The following UNC13C variants were observed in gnomAD, a reference collection of about 807,000 sequenced individuals.
The protein encoded by UNC13C is unc-13 homolog C.
A neutral mutation model predicts 245.4 loss-of-function variants in UNC13C; 174 were observed. That is an observed-to-expected ratio of 0.71 (90% CI 0.63 to 0.80). UNC13C has a LOEUF of 0.80. Ranked by LOEUF, UNC13C falls within the 30% of genes least tolerant of loss-of-function variation. The pLI is 0.00. For missense variants in UNC13C, 2,829 were observed against 2,602.9 expected, an observed-to-expected ratio of 1.09 and a Z score of -1.89; for synonymous variants, 992 against 895.1, an observed-to-expected ratio of 1.11 and a Z score of -1.93.
At chr15:54,601,076 C>T (rs1899389442) in intron 30 of UNC13C, among the ~76,000 whole-genome samples, 1 of 152,328 alleles carries the variant, frequency 6.6e-6, no homozygotes, top group Non-Finnish European at 1.5e-5. Context: ...GTGCCACATG[C>T]AGCCTGTGGC....
At chr15:54,556,407 C>T (rs1897090990) in intron 29 of UNC13C, among the ~76,000 whole-genome samples, 1 of 152,034 alleles carries the variant, frequency 6.6e-6, no homozygotes, top group Admixed American at 6.6e-5. Flanking sequence ...AAAACTGTCA[C>T]CTCGTGGCTT....
At chr15:53,843,032 A>G in the UNC13C span, among the ~76,000 whole-genome samples, 2 of 152,104 alleles carry the variant, frequency 1.3e-5, no homozygotes, top group Admixed American at 6.5e-5. Context: ...AATGGTCAAA[A>G]GCCAGCCATC....
chr15:54,282,388 G>A (rs955862135), intron 10 of UNC13C, among the ~76,000 whole-genome samples: 6 of 152,088 alleles, frequency 3.9e-5, no homozygotes, highest in African/African-American at 1.2e-4. Context: ...TTGTCCCACT[G>A]CGCTCAACCT....
At chr15:54,074,181 T>C (rs939770496) in intron 2 of UNC13C, among the ~76,000 whole-genome samples, 2 of 152,176 alleles carry the variant, frequency 1.3e-5, no homozygotes, top group African/African-American at 4.8e-5. Context: ...AAAGATCCGA[T>C]GGTTGTAGTT....
At chr15:54,420,485 C>T (rs2040617353) in intron 19 of UNC13C, among the ~76,000 whole-genome samples, 1 of 151,464 alleles carries the variant, frequency 6.6e-6, no homozygotes, top group South Asian at 2.1e-4. Context: ...TCGCACAGTT[C>T]AGCTTGTTCA....
chr15:54,349,792 G>A (rs536480072), intron 17 of UNC13C, among the ~76,000 whole-genome samples: 3 of 152,124 alleles, frequency 2.0e-5, no homozygotes, highest in Non-Finnish European at 4.4e-5. Flanking sequence ...TTGTGAGACT[G>A]AGGAGATGGA....
intron 2 of UNC13C, among the ~76,000 whole-genome samples, chr15:54,078,926 G>T (rs1324249297): frequency 6.6e-6 from 1 of 152,066 alleles, no homozygotes; most frequent in Non-Finnish European, 1.5e-5. Flanking sequence ...TTTTATTCTA[G>T]AATTTTTATA....
At chr15:54,027,437 C>T (rs956374131) in intron 2 of UNC13C, among the ~76,000 whole-genome samples, 62 of 152,240 alleles carry the variant, frequency 4.1e-4, no homozygotes, top group African/African-American at 1.4e-3. Flanking sequence ...GGCAGGATCT[C>T]GGCTCACTGC....
chr15:54,597,416 C>A (rs909549369), intron 30 of UNC13C, among the ~76,000 whole-genome samples: 1 of 152,142 alleles, frequency 6.6e-6, no homozygotes, highest in Non-Finnish European at 1.5e-5. Context: ...TTCCACCGAA[C>A]CTACAGGCCA....
intron 17 of UNC13C, among the ~76,000 whole-genome samples, chr15:54,355,171 T>C (rs1567210332): frequency 6.6e-6 from 1 of 151,944 alleles, no homozygotes; most frequent in Non-Finnish European, 1.5e-5. Flanking sequence ...GAAATAAATG[T>C]ATTTTCTTTA....
chr15:54,514,481 T>A (rs139471489), intron 24 of UNC13C, among the ~76,000 whole-genome samples: 1,718 of 152,376 alleles, frequency 0.011, 15 homozygotes, highest in Non-Finnish European at 0.015. Flanking sequence ...TGCTGATATA[T>A]GTACTTCTTG....
At chr15:53,874,076 G>A in the UNC13C span, among the ~76,000 whole-genome samples, 1 of 151,754 alleles carries the variant, frequency 6.6e-6, no homozygotes, top group Non-Finnish European at 1.5e-5. Flanking sequence ...TCTAGGCTCC[G>A]TCAATTTTCC....
At chr15:54,181,015 C>T (rs980750173) in intron 4 of UNC13C, among the ~76,000 whole-genome samples, 1 of 151,802 alleles carries the variant, frequency 6.6e-6, no homozygotes, top group African/African-American at 2.4e-5. Context: ...TACTTGCCAA[C>T]TTTTGTTTAT....
chr15:54,274,674 T>TTTTC (rs1200817829), intron 10 of UNC13C, among the ~76,000 whole-genome samples: 4 of 139,770 alleles, frequency 2.9e-5, no homozygotes, highest in African/African-American at 1.1e-4. Flanking sequence ...AGACTTTTTT[T>TTTTC]TTTTTTTTTT....
At chr15:54,372,857 C>T (rs1053810590) in intron 17 of UNC13C, among the ~76,000 whole-genome samples, 9 of 152,142 alleles carry the variant, frequency 5.9e-5, no homozygotes, top group African/African-American at 2.2e-4. Context: ...TAGCTGTAGC[C>T]ACTAGCCATA....
At chr15:54,144,603 C>T (rs1159884366) in intron 4 of UNC13C, among the ~76,000 whole-genome samples, 3 of 152,154 alleles carry the variant, frequency 2.0e-5, no homozygotes, top group African/African-American at 7.2e-5. Context: ...ATTCCAGAGC[C>T]TGTAATCTCA....
Position 54,125,033 on chromosome 15 carries a change from G to A in UNC13C, c.2984-17985G>A, listed in dbSNP as rs181226103. Among the ~76,000 whole-genome samples the A allele has an allele frequency of 1.7e-3, 264 of 152,230 alleles. 1 individual carries two copies. Among genetic ancestry groups the A allele is most frequent in the African/African-American group, 5.9e-3 (245 of 41,528 alleles). ...TTACCAGTACAACACAGTCTTGGTT[G>A]CTATAAATATAAAGTAATCTTAATT... On this transcript the variant is annotated intron_variant, in intron 2 of 32. Transcript: ENST00000260323.
intron 2 of UNC13C, among the ~76,000 whole-genome samples, chr15:54,085,683 G>A (rs968719043): frequency 5.9e-5 from 9 of 152,040 alleles, no homozygotes; most frequent in Non-Finnish European, 1.2e-4. Context: ...CTGCCCTCAA[G>A]TGATCCTCTT....
At chr15:54,217,051 C>T (rs1282475871) in intron 4 of UNC13C, among the ~76,000 whole-genome samples, 1 of 151,940 alleles carries the variant, frequency 6.6e-6, no homozygotes, top group Non-Finnish European at 1.5e-5. Flanking sequence ...GTTAAGGTAT[C>T]TAGGAGTTAA....
Sources: allele counts gnomAD v4.1 joint callset (sites outside exome capture counted in the v4.1 genomes callset), GRCh38; gene constraint gnomAD v4.1.1; transcripts MANE v1.5; gene names NCBI Gene and HGNC (gene_info 2026-07-23, HGNC 2026-07-21).